The following PARD3B variants were observed in gnomAD, a reference collection of about 807,000 sequenced individuals.
PARD3B encodes par-3 family cell polarity regulator beta.
A neutral mutation model predicts 130.2 loss-of-function variants in PARD3B; 103 were observed. The ratio of observed to expected loss-of-function variants is 0.79; its 90% CI spans 0.67 to 0.93. PARD3B has a LOEUF of 0.93. PARD3B is among the 40% of genes least tolerant of loss of function. The pLI, the probability that PARD3B is intolerant of heterozygous loss-of-function variation, is 0.00. For synonymous variants in PARD3B, 583 were observed against 553.2 expected (o/e 1.05, Z -0.76); for missense variants, 1,609 against 1,499.2 (o/e 1.07, Z -1.21).
chr2:204,858,626 T>C (rs993494882), intron 2 of PARD3B, among the ~76,000 whole-genome samples: 2 of 151,252 alleles, frequency 1.3e-5, no homozygotes, highest in Admixed American at 1.3e-4. Context: ...TGATAGTGTA[T>C]TGTATTTACG....
rs1298451386 is a variant in PARD3B, at chr2:205,263,428, A to G, written c.2185+17606A>G. On this transcript the variant is annotated intron_variant, in intron 16 of 22. Transcript: ENST00000406610. The surrounding 1 kb of genome is among the most constrained non-coding windows in gnomAD (Gnocchi z 4.0). ...TAAGGAGTTTCCCTTTATCATTTAA[A>G]TAGCAAACAGAATGAACATTTTAAA... 6.7e-6 allele frequency among the ~76,000 whole-genome samples: 1 copy of G among 148,978 alleles called. No homozygotes were observed. Among genetic ancestry groups the G allele is most frequent in the Admixed American group, 6.7e-5 (1 of 14,932 alleles).
At chr2:204,636,704 C>A (rs1193739466) in intron 1 of PARD3B, among the ~76,000 whole-genome samples, 1 of 152,094 alleles carries the variant, frequency 6.6e-6, no homozygotes, top group Non-Finnish European at 1.5e-5. Flanking sequence ...GGTTTCACAG[C>A]CTTAGATTAT....
At chr2:205,215,756 C>A (rs1405847577) in intron 15 of PARD3B, among the ~76,000 whole-genome samples, 1 of 151,762 alleles carries the variant, frequency 6.6e-6, no homozygotes, top group Non-Finnish European at 1.5e-5. Context: ...CATCTTCTAC[C>A]CAGTAATTCT....
rs2046384909 is a variant in PARD3B, at chr2:205,405,369, T to C, written c.2741+4246T>C. Among the ~76,000 whole-genome samples, 1 of 152,186 alleles carries C rather than the reference T, an allele frequency of 6.6e-6. No individual in the cohort carries two copies. The highest frequency in any genetic ancestry group is 1.5e-5 in the Non-Finnish European group (1 of 68,038). On this transcript the variant is annotated intron_variant, in intron 19 of 22. Transcript: ENST00000406610. This position sits in a 1 kb window ranked among gnomAD's most constrained non-coding sequence, Gnocchi z 4.1. ...CAGCTACCCTCCCCCACAACATGAA[T>C]CATCCAACCCAAAATGTCAATAGTA...
At chr2:204,845,831 A>T (rs2125595478) in intron 2 of PARD3B, among the ~76,000 whole-genome samples, 1 of 152,276 alleles carries the variant, frequency 6.6e-6, no homozygotes, top group South Asian at 2.1e-4. Flanking sequence ...ATATGTATAG[A>T]TATAAGTGAT....
Position 204,689,242 on chromosome 2 carries a change from C to T in PARD3B, c.222+2960C>T, listed in dbSNP as rs565619726. ...GTCTTACTTCTATTATTCCTTTGGC[C>T]AACATAGTGCTTGGCGCATACATGG... On this transcript the variant is annotated intron_variant, in intron 2 of 22. Transcript: ENST00000406610. The surrounding 1 kb of genome is among the most constrained non-coding windows in gnomAD (Gnocchi z 5.2). 5.9e-5 allele frequency among the ~76,000 whole-genome samples: 9 copies of T among 152,206 alleles called. No individual in the cohort carries two copies. The East Asian group carries it at 1.7e-3, about 30-fold the overall frequency.
At chr2:204,850,603 G>C (rs1198656059) in intron 2 of PARD3B, among the ~76,000 whole-genome samples, 2 of 152,068 alleles carry the variant, frequency 1.3e-5, no homozygotes, top group African/African-American at 2.4e-5. Context: ...GGAAGTTGCT[G>C]ATATGAACTC....
At chr2:205,110,935 T>G (rs1575815490) in intron 5 of PARD3B, among the ~76,000 whole-genome samples, 1 of 152,170 alleles carries the variant, frequency 6.6e-6, no homozygotes, top group African/African-American at 2.4e-5. Context: ...TTGCTGTGTT[T>G]CTCTTCCATG....
intron 1 of PARD3B, among the ~76,000 whole-genome samples, chr2:204,648,636 T>G (rs1293833318): frequency 8.4e-6 from 1 of 118,560 alleles, no homozygotes; most frequent in Non-Finnish European, 1.6e-5. Context: ...TTATATATAA[T>G]ATATATTATA....
chr2:205,599,315 T>C (rs2054692937), intron 22 of PARD3B, among the ~76,000 whole-genome samples: 1 of 152,206 alleles, frequency 6.6e-6, no homozygotes, highest in Admixed American at 6.5e-5. Flanking sequence ...CCAATTAGGT[T>C]ATCAGTATTT....
At chr2:204,605,085 A>T (rs2033659617) in intron 1 of PARD3B, among the ~76,000 whole-genome samples, 1 of 152,136 alleles carries the variant, frequency 6.6e-6, no homozygotes, top group African/African-American at 2.4e-5. Flanking sequence ...CTCTTAGGAT[A>T]TGGCCAGACA....
At chr2:204,657,590 T>G (rs2035680633) in intron 1 of PARD3B, among the ~76,000 whole-genome samples, 1 of 152,192 alleles carries the variant, frequency 6.6e-6, no homozygotes. Flanking sequence ...ACTGAATTCT[T>G]AGCTTTATGA....
intron 2 of PARD3B, among the ~76,000 whole-genome samples, chr2:204,849,862 T>C (rs2044637019): frequency 6.6e-6 from 1 of 152,200 alleles, no homozygotes; most frequent in Admixed American, 6.6e-5. Flanking sequence ...GTTATTATTT[T>C]ATAGAAGGAT....
chr2:205,377,280 A>G (rs79951175), intron 18 of PARD3B, among the ~76,000 whole-genome samples: 2,781 of 152,252 alleles, frequency 0.018, 94 homozygotes, highest in African/African-American at 0.062. Context: ...TCACCTGAAC[A>G]AGGTTTCACC....
intron 4 of PARD3B, among the ~76,000 whole-genome samples, chr2:205,102,934 G>C (rs564152993): frequency 1.3e-5 from 2 of 151,926 alleles, no homozygotes. Context: ...CGGGTGTGGT[G>C]GTGGGCACCT....
chr2:204,998,312 GTATATATATATATATATATATATATATA>G lies in PARD3B; in HGVS notation c.394+33009_394+33036del, dbSNP rs771546892. Among the ~76,000 whole-genome samples, 38 of 52,008 alleles carry G rather than the reference GTATATATATATATATATATATATATATA, an allele frequency of 7.3e-4. 1 individual carries two copies. The highest frequency in any genetic ancestry group is 2.0e-3 in the Admixed American group (8 of 4,024). The allele number at this position is 52,008 out of a possible 152,430, so 34.1% of individuals were successfully genotyped here. Reference sequence around the variant, plus strand: ...CTGCACATGTATCCCAGAACTTAAAGTATATATATATATATATATATATATATATATATATATATATATATATGTGTGT... The same window carrying G: ...CTGCACATGTATCCCAGAACTTAAAGTATATATATATATATATATGTGTGT... On this transcript the variant is annotated intron_variant, in intron 3 of 22. Transcript: ENST00000406610.
intron 2 of PARD3B, among the ~76,000 whole-genome samples, chr2:204,877,507 G>A (rs186900308): frequency 2.2e-4 from 34 of 152,230 alleles, no homozygotes; most frequent in Non-Finnish European, 4.1e-4. Context: ...CCAGACTAGC[G>A]TATGTGCAGT....
chr2:204,900,248 A>G (rs1343756941), intron 2 of PARD3B, among the ~76,000 whole-genome samples: 2 of 151,916 alleles, frequency 1.3e-5, no homozygotes, highest in Non-Finnish European at 1.5e-5. Flanking sequence ...TAACTCTTAG[A>G]TTTGCCCTTT....
At chr2:204,781,167 T>C (rs574926608) in intron 2 of PARD3B, among the ~76,000 whole-genome samples, 1 of 152,242 alleles carries the variant, frequency 6.6e-6, no homozygotes, top group South Asian at 2.1e-4. Flanking sequence ...ATGAGCTGCA[T>C]CCCTCTTTCC....
Sources: gnomAD v4.1 joint callset for allele counts (sites outside exome capture counted in the v4.1 genomes callset) on GRCh38, gnomAD v4.1.1 for gene constraint, Gnocchi (gnomAD v3.1) non-coding constraint, MANE v1.5 for transcripts, NCBI Gene and HGNC (gene_info 2026-07-23, HGNC 2026-07-21) for gene names.